The following HS6ST3 variants were observed in gnomAD, a reference collection of about 807,000 sequenced individuals.
HS6ST3 encodes the protein heparan sulfate 6-O-sulfotransferase 3.
In HS6ST3, 12 loss-of-function variants were observed where a neutral mutation model predicts 36.7. That is an observed-to-expected ratio of 0.33 (90% CI 0.21 to 0.53). The LOEUF (loss-of-function observed/expected upper bound fraction) is 0.53. Among genes scored for constraint, HS6ST3 ranks in the 20% least tolerant of loss-of-function variants. HS6ST3 has a pLI of 0.95. For synonymous variants in HS6ST3, 240 were observed against 257.5 expected (o/e 0.93, Z 0.65); for missense variants, 584 against 640.9 (o/e 0.91, Z 0.96).
intron 1 of HS6ST3, among the ~76,000 whole-genome samples, chr13:96,500,337 G>T (rs932046518): frequency 2.0e-5 from 3 of 152,134 alleles, no homozygotes; most frequent in Non-Finnish European, 2.9e-5. Context: ...ATCGGTGGTT[G>T]AACATTTGTA....
intron 1 of HS6ST3, among the ~76,000 whole-genome samples, chr13:96,301,898 T>TGTA (rs2054884432): frequency 7.3e-6 from 1 of 137,764 alleles, no homozygotes; most frequent in African/African-American, 2.7e-5. Flanking sequence ...AGACTCCATC[T>TGTA]ATAATAATAA....
At chr13:96,428,091 C>A (rs1397125305) in intron 1 of HS6ST3, among the ~76,000 whole-genome samples, 1 of 152,092 alleles carries the variant, frequency 6.6e-6, no homozygotes, top group East Asian at 1.9e-4. Flanking sequence ...TTTGATAAGG[C>A]TGCCATAGAA....
chr13:96,337,265 A>G (rs935548527), intron 1 of HS6ST3, among the ~76,000 whole-genome samples: 4 of 152,108 alleles, frequency 2.6e-5, no homozygotes, highest in South Asian at 4.1e-4. Flanking sequence ...ACGTGGTTTC[A>G]GTGGTTTCAC....
intron 1 of HS6ST3, among the ~76,000 whole-genome samples, chr13:96,691,944 G>A (rs940554987): frequency 1.3e-5 from 2 of 152,146 alleles, no homozygotes; most frequent in South Asian, 2.1e-4. Flanking sequence ...CAACTTACAC[G>A]TGAGAGAAAC....
chr13:96,380,828 T>G (rs2055337306), intron 1 of HS6ST3, among the ~76,000 whole-genome samples: 1 of 152,216 alleles, frequency 6.6e-6, no homozygotes, highest in Non-Finnish European at 1.5e-5. Context: ...ACGACTGAGT[T>G]AGATTCTGTC....
chr13:96,234,793 T>C (rs1420063820), intron 1 of HS6ST3, among the ~76,000 whole-genome samples: 1 of 152,186 alleles, frequency 6.6e-6, no homozygotes, highest in Non-Finnish European at 1.5e-5. Context: ...GAAAAGAATA[T>C]ACCCAAGCTT....
At chr13:96,210,455 C>T (rs933404455) in intron 1 of HS6ST3, among the ~76,000 whole-genome samples, 2 of 152,200 alleles carry the variant, frequency 1.3e-5, no homozygotes, top group Non-Finnish European at 2.9e-5. Context: ...ATTCAGCAAT[C>T]TCCTGCTCAC....
chr13:96,491,778 C>T (rs2055947161), intron 1 of HS6ST3, among the ~76,000 whole-genome samples: 1 of 152,166 alleles, frequency 6.6e-6, no homozygotes. Flanking sequence ...TAGCCTAAGT[C>T]ATGCTGCCTG....
intron 1 of HS6ST3, among the ~76,000 whole-genome samples, chr13:96,553,719 T>C (rs2056228851): frequency 6.6e-6 from 1 of 152,210 alleles, no homozygotes; most frequent in African/African-American, 2.4e-5. Flanking sequence ...AAGCTTCAGG[T>C]GGTAGTTCCA....
chr13:96,220,003 C>T (rs1014045380), intron 1 of HS6ST3, among the ~76,000 whole-genome samples: 2 of 152,170 alleles, frequency 1.3e-5, no homozygotes, highest in Non-Finnish European at 2.9e-5. Flanking sequence ...TTCTTAAACT[C>T]TAGTGGCATC....
intron 1 of HS6ST3, among the ~76,000 whole-genome samples, chr13:96,601,276 T>A (rs1350147909): frequency 6.6e-6 from 1 of 152,154 alleles, no homozygotes; most frequent in East Asian, 1.9e-4. Flanking sequence ...AACTTTTAAC[T>A]TTTTCTTCTC....
At chr13:96,172,156 G>A (rs1022756145) in intron 1 of HS6ST3, among the ~76,000 whole-genome samples, 2 of 152,274 alleles carry the variant, frequency 1.3e-5, no homozygotes, top group South Asian at 4.1e-4. Flanking sequence ...GTTGAGTCCT[G>A]CACAGCCTCA....
At chr13:96,131,066 A>G (rs2053973320) in intron 1 of HS6ST3, among the ~76,000 whole-genome samples, 1 of 152,152 alleles carries the variant, frequency 6.6e-6, no homozygotes, top group African/African-American at 2.4e-5. Flanking sequence ...TGCCATGGCA[A>G]GTGTACTGTT....
At chr13:96,801,191 A>G (rs998454340) in intron 1 of HS6ST3, among the ~76,000 whole-genome samples, 1 of 152,138 alleles carries the variant, frequency 6.6e-6, no homozygotes, top group Non-Finnish European at 1.5e-5. Flanking sequence ...AGGCTGCTCC[A>G]TCTCTGTGTC....
At chr13:96,292,613 C>CAGTT (rs10678054) in intron 1 of HS6ST3, among the ~76,000 whole-genome samples, 84,642 of 151,440 alleles carry the variant, frequency 0.56, 24,540 homozygotes, top group African/African-American at 0.72. Context: ...GCTAAATAAA[C>CAGTT]AGTAGGTTGA....
In HS6ST3 at chr13:96,090,770, G is replaced by C; in HGVS notation, c.-93G>C. 9.3e-7 allele frequency: 1 copy of C among 1,080,808 alleles called. No individual in the cohort carries two copies. The highest frequency in any genetic ancestry group is 1.2e-6 in the Non-Finnish European group (1 of 836,796). The allele number at this position is 1,080,808 out of a possible 1,614,324, so 67.0% of individuals were successfully genotyped here. On this transcript the variant is annotated 5_prime_UTR_variant, in exon 1 of 2. Transcript: ENST00000376705. ...ATGGAGGAACGGCGGGCTCCGAGCC[G>C]CGCCCCGGAGTCCGCGAAACTTCCG...
intron 1 of HS6ST3, among the ~76,000 whole-genome samples, chr13:96,370,175 G>A (rs1159295785): frequency 6.6e-6 from 1 of 152,150 alleles, no homozygotes; most frequent in Non-Finnish European, 1.5e-5. Flanking sequence ...GGTCTCAGGT[G>A]GGGTCTAGGC....
intron 1 of HS6ST3, among the ~76,000 whole-genome samples, chr13:96,356,236 C>A (rs556199412): frequency 1.3e-5 from 2 of 152,234 alleles, no homozygotes; most frequent in African/African-American, 4.8e-5. Flanking sequence ...GAGCTTCTTC[C>A]AAAATCCTGT....
Position 96,559,055 on chromosome 13 carries a change from A to C in HS6ST3, c.708-273435A>C, listed in dbSNP as rs997679358. ...TTTTGGAGCCATTTTAACCAATTCTAAGTGAGAATCTATATAATCTATCTA... is the reference window on the plus strand; with the variant it reads ...TTTTGGAGCCATTTTAACCAATTCTCAGTGAGAATCTATATAATCTATCTA... On this transcript the variant is annotated intron_variant, in intron 1 of 1. Coordinates refer to ENST00000376705, the MANE Select transcript of HS6ST3 (RefSeq NM_153456.4). 2.6e-5 allele frequency among the ~76,000 whole-genome samples: 4 copies of C among 152,044 alleles called. No homozygotes were observed. The South Asian group carries it at 6.2e-4, about 24-fold the overall frequency.
Sources: gnomAD v4.1 joint callset for allele counts (sites outside exome capture counted in the v4.1 genomes callset) on GRCh38, gnomAD v4.1.1 for gene constraint, MANE v1.5 for transcripts, NCBI Gene and HGNC (gene_info 2026-07-23, HGNC 2026-07-21) for gene names.